The following TMEM192 variants were observed in gnomAD, a reference collection of about 807,000 sequenced individuals.
The protein encoded by TMEM192 is transmembrane protein 192.
TMEM192 carries 20 observed loss-of-function variants against 26.7 expected under a neutral mutation model. The observed-to-expected ratio is 0.75, with a 90% CI of 0.53 to 1.09. TMEM192 has a LOEUF of 1.09. Ranked by LOEUF, TMEM192 falls within the 50% of genes least tolerant of loss-of-function variation. The pLI is 0.00. For synonymous variants in TMEM192, 124 were observed against 121.0 expected (o/e 1.02, Z -0.16); for missense variants, 304 against 322.6 (o/e 0.94, Z 0.44).
rs1734483609 is a variant in TMEM192 at position 165,079,875 on chromosome 4, G to C, written c.678-79C>G. 2.2e-6 allele frequency: 3 copies of C among 1,392,268 alleles called. No individual in the cohort carries two copies. The East Asian group carries it at 7.9e-5, about 36-fold the overall frequency. The allele number at this position is 1,392,268 out of a possible 1,614,324, so 86.2% of individuals were successfully genotyped here. A position where few individuals can be genotyped will look rare whatever the true frequency, so the allele number is the denominator to read the frequency against. ...TGTCTTTGCAAATGAGTACCTACTA[G>C]TTTTTAGTAAAGCATATTGTATTTG... On this transcript the variant is annotated intron_variant, in intron 5 of 5. Transcript: ENST00000306480.
At chr4:165,109,256 C>T (rs190436907) in intron 1 of TMEM192, among the ~76,000 whole-genome samples, 1 of 152,204 alleles carries the variant, frequency 6.6e-6, no homozygotes, top group Non-Finnish European at 1.5e-5. Flanking sequence ...GTGCTTTTAA[C>T]ACTTGATACA....
rs1209737813 is a variant in TMEM192 at position 165,074,052 on chromosome 4, ATTTCT to A, written c.*5601_*5605del. The A allele has an allele frequency of 6.6e-6, 1 of 151,698 alleles. No individual in the cohort carries two copies. Among genetic ancestry groups the A allele is most frequent in the African/African-American group, 2.4e-5 (1 of 41,342 alleles). The allele number at this position is 151,698 out of a possible 1,614,324, so 9.4% of individuals were successfully genotyped here. A position where few individuals can be genotyped will look rare whatever the true frequency, so the allele number is the denominator to read the frequency against. On this transcript the variant is annotated 3_prime_UTR_variant, in exon 6 of 6. Coordinates refer to ENST00000306480, the MANE Select transcript of TMEM192 (RefSeq NM_001100389.2). ...TCTTTATACTTTGTCTCTGTGTCTT[ATTTCT>A]TTTCTCAGTCTCTCGTCCCACCTGA...
At chr4:165,099,085 T>TA (rs1734979682) in intron 3 of TMEM192, among the ~76,000 whole-genome samples, 2 of 150,634 alleles carry the variant, frequency 1.3e-5, no homozygotes, top group Non-Finnish European at 3.0e-5. Flanking sequence ...AGTTATTTAC[T>TA]ACAACTTTTT....
chr4:165,086,550 C>T (rs964141102), intron 4 of TMEM192, among the ~76,000 whole-genome samples: 17 of 151,844 alleles, frequency 1.1e-4, no homozygotes, highest in East Asian at 3.9e-4. Context: ...CTCAGCCTCC[C>T]GACTGGGATT....
intron 3 of TMEM192, among the ~76,000 whole-genome samples, chr4:165,094,777 C>G (rs1734855506): frequency 6.6e-6 from 1 of 152,100 alleles, no homozygotes; most frequent in African/African-American, 2.4e-5. Flanking sequence ...GAGTTCAAGT[C>G]CAGCCTGACC....
chr4:165,104,050 G>T (rs934525828), intron 1 of TMEM192, among the ~76,000 whole-genome samples: 21 of 152,176 alleles, frequency 1.4e-4, no homozygotes, highest in African/African-American at 3.6e-4. Flanking sequence ...TTGGACCCAG[G>T]AGGTGGAGGT....
At chr4:165,089,564 C>T (rs1352936436) in intron 3 of TMEM192, among the ~76,000 whole-genome samples, 4 of 152,102 alleles carry the variant, frequency 2.6e-5, no homozygotes, top group Non-Finnish European at 4.4e-5. Context: ...ACCTCGTGAT[C>T]GGCCCGCCTC....
intron 4 of TMEM192, among the ~76,000 whole-genome samples, chr4:165,086,704 C>T (rs571112260): frequency 1.3e-5 from 2 of 152,056 alleles, no homozygotes; most frequent in East Asian, 2.0e-4. Flanking sequence ...GGATTACAGG[C>T]GTGAGTCACC....
rs1168956340 is a variant in TMEM192 at position 165,083,678 on chromosome 4, TAAC to T, written c.677+1905_677+1907del. ...TGTGTTGTCACTTCACACCTGTGCC[TAAC>T]AACAGTTCAGTTTATAAAAGCTAAT... is the stretch of plus-strand genomic sequence containing the variant. On this transcript the variant is annotated intron_variant, in intron 5 of 5. Transcript: ENST00000306480. 1.5e-4 allele frequency among the ~76,000 whole-genome samples: 6 copies of T among 40,970 alleles called. 3 individuals carry two copies. The highest frequency in any genetic ancestry group is 2.6e-4 in the African/African-American group (6 of 22,958). The allele number at this position is 40,970 out of a possible 152,430, so 26.9% of individuals were successfully genotyped here. A position where few individuals can be genotyped will look rare whatever the true frequency, so the allele number is the denominator to read the frequency against.
chr4:165,086,898 G>A (rs1734631006), intron 4 of TMEM192, among the ~76,000 whole-genome samples: 1 of 152,094 alleles, frequency 6.6e-6, no homozygotes, highest in African/African-American at 2.4e-5. Context: ...TAGATGACCT[G>A]ACATCCGGAG....
chr4:165,073,522 C>G lies in TMEM192; in HGVS notation c.*6136G>C, dbSNP rs1156461935. 2 of 152,096 alleles carry G rather than the reference C, an allele frequency of 1.3e-5. No individual in the cohort carries two copies. The highest frequency in any genetic ancestry group is 2.9e-5 in the Non-Finnish European group (2 of 68,062). The allele number at this position is 152,096 out of a possible 1,614,324, so 9.4% of individuals were successfully genotyped here. On this transcript the variant is annotated 3_prime_UTR_variant, in exon 6 of 6. Transcript: ENST00000306480. ...ATACGGCCTCGTGGGAAAGGAAAGG[C>G]CTTACCATCCCCCAGCCCGACACCT...
Position 165,075,311 on chromosome 4 carries a change from C to T in TMEM192, c.*4347G>A, listed in dbSNP as rs1734351616. The stretch of plus-strand genomic sequence containing the variant: ...CCAGGCTGGAGTGCAGTGGCACCAT[C>T]TTGGTTCACTGCAATCTCTGCCTCC... On this transcript the variant is annotated 3_prime_UTR_variant, in exon 6 of 6. Coordinates refer to ENST00000306480, the MANE Select transcript of TMEM192 (RefSeq NM_001100389.2). The T allele has an allele frequency of 6.6e-6, 1 of 150,672 alleles. No individual in the cohort carries two copies. The highest frequency in any genetic ancestry group is 1.5e-5 in the Non-Finnish European group (1 of 67,928). The allele number at this position is 150,672 out of a possible 1,614,324, so 9.3% of individuals were successfully genotyped here. A position where few individuals can be genotyped will look rare whatever the true frequency, so the allele number is the denominator to read the frequency against.
At chr4:165,087,203 G>C (rs543112653) in intron 4 of TMEM192, among the ~76,000 whole-genome samples, 3 of 152,260 alleles carry the variant, frequency 2.0e-5, no homozygotes, top group Admixed American at 6.5e-5. Context: ...GGGCAGGGAA[G>C]CTGTTAACAA....
intron 3 of TMEM192, among the ~76,000 whole-genome samples, chr4:165,089,040 CAAAAAAAAAAAA>C (rs56000323): frequency 0.013 from 602 of 47,388 alleles, 16 homozygotes; most frequent in African/African-American, 0.052. Context: ...GACCCTACTG[CAAAAAAAAAAAA>C]AAAAAAAAAA....
chr4:165,085,171 G>A (rs1006851576), intron 5 of TMEM192, among the ~76,000 whole-genome samples: 6 of 151,966 alleles, frequency 3.9e-5, no homozygotes, highest in East Asian at 1.9e-4. Flanking sequence ...CTACTGGGAG[G>A]CTGAGGCAGG....
rs770095318 is a variant in TMEM192, at chr4:165,100,665, C to T, written c.402G>A (p.Arg134=). 1.2e-6 allele frequency: 2 copies of T among 1,614,134 alleles called. No individual in the cohort carries two copies. The highest frequency in any genetic ancestry group is 4.5e-5 in the East Asian group (2 of 44,864). ...TCATCAACGCAAGTCTCTTGAGATG[C>T]CTTGTTGATCGGTAGATCAAGTTAT... ...RGYNLIYRST[R]HLKRLALMIQ... The change falls in exon 3 of 6, where the codon AGG becomes AGA. Residue 134 remains arginine (R), a synonymous_variant. Coordinates refer to ENST00000306480, the MANE Select transcript of TMEM192 (RefSeq NM_001100389.2).
chr4:165,096,411 T>TTATA (rs1413080390), intron 3 of TMEM192, among the ~76,000 whole-genome samples: 9 of 149,216 alleles, frequency 6.0e-5, no homozygotes, highest in African/African-American at 1.2e-4. Context: ...AAAAAAAAAA[T>TTATA]TATATATATA....
intron 2 of TMEM192, among the ~76,000 whole-genome samples, chr4:165,101,685 C>T (rs751815217): frequency 5.9e-5 from 9 of 152,158 alleles, no homozygotes; most frequent in Non-Finnish European, 1.0e-4. Context: ...AAGAAGAAAG[C>T]GCTTCAGCTG....
chr4:165,101,978 T>C (rs1290406137), intron 2 of TMEM192, among the ~76,000 whole-genome samples: 1 of 152,204 alleles, frequency 6.6e-6, no homozygotes, highest in African/African-American at 2.4e-5. Flanking sequence ...GTGGTGAGAA[T>C]GAGCCCTCTT....
Sources: allele counts gnomAD v4.1 joint callset (sites outside exome capture counted in the v4.1 genomes callset), GRCh38; gene constraint gnomAD v4.1.1; transcripts MANE v1.5; gene names NCBI Gene and HGNC (gene_info 2026-07-23, HGNC 2026-07-21).